The following NRG1 variants were observed in gnomAD, a reference collection of about 807,000 sequenced individuals.
NRG1 encodes the protein pro-neuregulin-1, membrane-bound isoform.
NRG1 carries 18 observed loss-of-function variants against 63.8 expected under a neutral mutation model. The ratio of observed to expected loss-of-function variants is 0.28; its 90% CI spans 0.19 to 0.42. The LOEUF is 0.42. NRG1 is among the 10% of genes least tolerant of loss of function. NRG1 has a pLI of 1.00. For synonymous variants in NRG1, 302 were observed against 301.3 expected, an observed-to-expected ratio of 1.00 and a Z score of -0.02; for missense variants, 762 against 814.7, an observed-to-expected ratio of 0.94 and a Z score of 0.79.
rs1826095718 is a variant in NRG1, at chr8:32,740,579, TC to T, written c.633-2094del. ...GCAAAAATATTCTAAACAAAAATAA[TC>T]CGTTTACTTATATGAAGGTGTTTCC... On this transcript the variant is annotated intron_variant, in intron 6 of 11. Transcript: ENST00000356819. Among the ~76,000 whole-genome samples the T allele has an allele frequency of 2.6e-5, 4 of 152,156 alleles. No individual in the cohort carries two copies. In the South Asian group the frequency reaches 8.3e-4, roughly 31 times the overall value.
intron 1 of NRG1, among the ~76,000 whole-genome samples, chr8:32,078,663 C>T (rs1826977500): frequency 6.6e-6 from 1 of 152,140 alleles, no homozygotes; most frequent in African/African-American, 2.4e-5. Flanking sequence ...GAATGGGTGT[C>T]TCTCCAAACA....
chr8:32,294,804 T>C (rs2129474400), intron 1 of NRG1, among the ~76,000 whole-genome samples: 1 of 152,012 alleles, frequency 6.6e-6, no homozygotes, highest in Non-Finnish European at 1.5e-5. Flanking sequence ...TGCTACATTC[T>C]CTGATAATAA....
intron 1 of NRG1, among the ~76,000 whole-genome samples, chr8:32,260,806 G>A (rs1387135249): frequency 1.3e-5 from 2 of 152,098 alleles, no homozygotes; most frequent in Non-Finnish European, 2.9e-5. Context: ...ACCCACTGTG[G>A]GCTGGGCTAT....
At chr8:31,797,917 A>G (rs555720253) in intron 1 of NRG1, among the ~76,000 whole-genome samples, 2 of 152,228 alleles carry the variant, frequency 1.3e-5, no homozygotes, top group South Asian at 4.1e-4. Flanking sequence ...ATGTTAAGTG[A>G]AATAAGTAGG....
At chr8:32,286,853 T>G (rs1853584368) in intron 1 of NRG1, among the ~76,000 whole-genome samples, 1 of 151,986 alleles carries the variant, frequency 6.6e-6, no homozygotes, top group Non-Finnish European at 1.5e-5. Flanking sequence ...AAAAATTAGT[T>G]GGGCATGGTG....
chr8:31,837,408 G>GT (rs1234059043), intron 1 of NRG1, among the ~76,000 whole-genome samples: 2 of 151,226 alleles, frequency 1.3e-5, no homozygotes, highest in Admixed American at 1.3e-4. Context: ...CATGTTTATG[G>GT]TTTACCATGT....
chr8:32,750,447 CCAGT>C (rs1434394051), intron 7 of NRG1, among the ~76,000 whole-genome samples: 14 of 152,130 alleles, frequency 9.2e-5, no homozygotes, highest in African/African-American at 1.2e-4. Flanking sequence ...CAGGGCCAGG[CCAGT>C]CAGTCTTTTT....
intron 1 of NRG1, among the ~76,000 whole-genome samples, chr8:31,778,087 A>G (rs988904135): frequency 1.3e-5 from 2 of 152,208 alleles, no homozygotes; most frequent in African/African-American, 4.8e-5. Context: ...AAACTTCATC[A>G]GAACCATCCA....
chr8:32,546,686 C>G (rs921094790), upstream of NRG1, among the ~76,000 whole-genome samples: 1 of 152,158 alleles, frequency 6.6e-6, no homozygotes, highest in African/African-American at 2.4e-5. Flanking sequence ...GGAAGGCTAT[C>G]AGAAGCTACT....
chr8:31,651,556 G>A (rs536285761), intron 1 of NRG1, among the ~76,000 whole-genome samples: 7 of 152,284 alleles, frequency 4.6e-5, no homozygotes, highest in South Asian at 2.1e-4. Context: ...GCTGCAGGGC[G>A]AGGCTTCCTG....
intron 1 of NRG1, among the ~76,000 whole-genome samples, chr8:32,474,673 G>GTT (rs1202701829): frequency 6.6e-6 from 1 of 151,142 alleles, no homozygotes; most frequent in Non-Finnish European, 1.5e-5. Flanking sequence ...TTGTGTGTGT[G>GTT]TGTGTTTTTT....
chr8:32,338,664 G>A (rs1433734602), intron 1 of NRG1, among the ~76,000 whole-genome samples: 3 of 151,984 alleles, frequency 2.0e-5, no homozygotes, highest in Non-Finnish European at 4.4e-5. Context: ...AATAAAAAAA[G>A]GATTGATATT....
intron 1 of NRG1, among the ~76,000 whole-genome samples, chr8:31,751,882 G>A (rs1341206537): frequency 2.0e-5 from 3 of 151,908 alleles, no homozygotes; most frequent in Non-Finnish European, 4.4e-5. Context: ...ATGGAGATAC[G>A]GAATGCTCAA....
At chr8:31,725,066 G>A (rs1813291464) in intron 1 of NRG1, among the ~76,000 whole-genome samples, 1 of 152,100 alleles carries the variant, frequency 6.6e-6, no homozygotes, top group Non-Finnish European at 1.5e-5. Flanking sequence ...ATTGTGAAAT[G>A]TTATTTTTCT....
chr8:32,626,698 A>G (rs186163876), intron 5 of NRG1, among the ~76,000 whole-genome samples: 39 of 151,676 alleles, frequency 2.6e-4, no homozygotes, highest in Non-Finnish European at 5.2e-4. Flanking sequence ...AAAAAAAAAT[A>G]GAGAAGCCAT....
chr8:32,005,715 G>C lies in NRG1; in HGVS notation c.37+366284G>C, dbSNP rs546199360. Among the ~76,000 whole-genome samples the C allele has an allele frequency of 4.6e-5, 7 of 152,050 alleles. No homozygotes were observed. The South Asian group carries it at 1.4e-3, about 31-fold the overall frequency. On this transcript the variant is annotated intron_variant, in intron 1 of 10. Coordinates refer to the NRG1 transcript ENST00000519301. ...AATGCCTCTTCAAAGTGGATGAACAGAAACAAAACGTTCAGCGAGGTGAGT... is the reference window on the plus strand; with the variant it reads ...AATGCCTCTTCAAAGTGGATGAACACAAACAAAACGTTCAGCGAGGTGAGT...
chr8:32,135,121 G>A (rs1215714821), intron 1 of NRG1, among the ~76,000 whole-genome samples: 1 of 152,150 alleles, frequency 6.6e-6, no homozygotes, highest in African/African-American at 2.4e-5. Flanking sequence ...ACAGGCTGGA[G>A]AAGAAAAGGT....
chr8:32,004,013 GA>G (rs1478239537), intron 1 of NRG1, among the ~76,000 whole-genome samples: 1 of 151,858 alleles, frequency 6.6e-6, no homozygotes, highest in African/African-American at 2.4e-5. Context: ...AAATACCATT[GA>G]AGATGGGATA....
At chr8:31,740,654 T>C (rs747050873) in intron 1 of NRG1, among the ~76,000 whole-genome samples, 3 of 151,526 alleles carry the variant, frequency 2.0e-5, no homozygotes, top group Non-Finnish European at 4.4e-5. Flanking sequence ...TGTGTGTGTA[T>C]GTACCTGTGT....
Sources: allele counts gnomAD v4.1 joint callset (sites outside exome capture counted in the v4.1 genomes callset), GRCh38; gene constraint gnomAD v4.1.1; transcripts MANE v1.5; gene names NCBI Gene and HGNC (gene_info 2026-07-23, HGNC 2026-07-21).